The following KCNH5 variants were observed in gnomAD, a reference collection of about 807,000 sequenced individuals.
KCNH5 encodes potassium voltage-gated channel subfamily H member 5, also known as voltage-gated delayed rectifier potassium channel KCNH5.
In KCNH5, 46 loss-of-function variants were observed where a neutral mutation model predicts 96.1. That is an observed-to-expected ratio of 0.48 (90% confidence interval 0.38 to 0.61). The LOEUF is 0.61. Ranked by LOEUF, KCNH5 falls within the 20% of genes least tolerant of loss-of-function variation. The probability of loss-of-function intolerance (pLI) is 0.00; values close to 1 mark genes in which losing one functional copy is unlikely to be tolerated. For missense variants in KCNH5, 907 were observed against 1,225.8 expected (o/e 0.74, Z 3.88); for synonymous variants, 439 against 449.8 (o/e 0.98, Z 0.30).
rs986629623 is a variant in KCNH5 at position 63,045,450 on chromosome 14, G to A, written c.-264C>T. 2.0e-6 allele frequency: 1 copy of A among 500,578 alleles called. No homozygotes were observed. The highest frequency in any genetic ancestry group is 3.6e-6 in the Non-Finnish European group (1 of 276,310). The allele number at this position is 500,578 out of a possible 1,614,324, so 31.0% of individuals were successfully genotyped here. A position where few individuals can be genotyped will look rare whatever the true frequency, so the allele number is the denominator to read the frequency against. ...TGTGGCGGTGCCGCACACGGGGCTCGGGAACTGCAGGCTCCGCGGGGCACA... is the reference window on the plus strand; with the variant it reads ...TGTGGCGGTGCCGCACACGGGGCTCAGGAACTGCAGGCTCCGCGGGGCACA... On this transcript the variant is annotated 5_prime_UTR_variant, in exon 1 of 11. Coordinates refer to ENST00000322893, the MANE Select transcript of KCNH5 (RefSeq NM_139318.5).
intron 7 of KCNH5, among the ~76,000 whole-genome samples, chr14:62,918,231 T>G (rs1454058906): frequency 2.0e-5 from 3 of 152,130 alleles, no homozygotes; most frequent in Non-Finnish European, 4.4e-5. Context: ...AACTGACATA[T>G]AAGTGTTGGT....
At chr14:62,903,724 A>G (rs929222535) in intron 7 of KCNH5, among the ~76,000 whole-genome samples, 1 of 152,210 alleles carries the variant, frequency 6.6e-6, no homozygotes, top group African/African-American at 2.4e-5. Context: ...GCTAGACTGC[A>G]TCATTCATAT....
intron 7 of KCNH5, among the ~76,000 whole-genome samples, chr14:62,887,441 GA>G (rs1384335326): frequency 6.6e-6 from 1 of 152,062 alleles, no homozygotes; most frequent in Non-Finnish European, 1.5e-5. Context: ...AGAAGTATAA[GA>G]AAAAAGTAAG....
chr14:62,819,360 CA>C lies in KCNH5; in HGVS notation c.1570-16780del, dbSNP rs974727423. ...CAGGTCAAGTGAAGGAATCCAGTAA[CA>C]AAAGACCACATATTATATGATTCCA... On this transcript the variant is annotated intron_variant, in intron 8 of 10. Transcript: ENST00000322893. Among the ~76,000 whole-genome samples the C allele has an allele frequency of 2.5e-4, 38 of 152,218 alleles. 1 individual carries two copies. Among genetic ancestry groups the C allele is most frequent in the African/African-American group, 8.9e-4 (37 of 41,530 alleles).
chr14:62,909,762 C>T (rs756427359), intron 7 of KCNH5, among the ~76,000 whole-genome samples: 2 of 152,082 alleles, frequency 1.3e-5, no homozygotes, highest in Non-Finnish European at 2.9e-5. Flanking sequence ...CCCGCAGAGG[C>T]ACAGGCAGGT....
chr14:62,897,445 CAAAG>C (rs1888836201), intron 7 of KCNH5, among the ~76,000 whole-genome samples: 1 of 151,828 alleles, frequency 6.6e-6, no homozygotes, highest in Admixed American at 6.6e-5. Flanking sequence ...AACCAAGTAA[CAAAG>C]AGAAGAATGA....
chr14:62,958,547 A>G (rs1594645714), intron 6 of KCNH5, among the ~76,000 whole-genome samples: 1 of 152,176 alleles, frequency 6.6e-6, no homozygotes, highest in African/African-American at 2.4e-5. Context: ...CAATGGCCCA[A>G]TTACACCAAC....
chr14:62,821,298 T>G (rs905190531), intron 8 of KCNH5, among the ~76,000 whole-genome samples: 1 of 152,154 alleles, frequency 6.6e-6, no homozygotes, highest in Non-Finnish European at 1.5e-5. Context: ...GTATCAATGC[T>G]ATTGATAAGA....
chr14:62,958,752 A>T (rs1017804262), intron 6 of KCNH5, among the ~76,000 whole-genome samples: 1 of 152,070 alleles, frequency 6.6e-6, no homozygotes, highest in Non-Finnish European at 1.5e-5. Flanking sequence ...CTTTCTTCAC[A>T]ACTGTATTAT....
chr14:62,913,276 G>A (rs1440711423), intron 7 of KCNH5, among the ~76,000 whole-genome samples: 1 of 152,052 alleles, frequency 6.6e-6, no homozygotes, highest in Non-Finnish European at 1.5e-5. Flanking sequence ...CTCCCAGGCT[G>A]GAGTGCAGTG....
intron 10 of KCNH5, among the ~76,000 whole-genome samples, chr14:62,728,914 G>T (rs767011188): frequency 6.6e-6 from 1 of 152,154 alleles, no homozygotes; most frequent in Non-Finnish European, 1.5e-5. Context: ...AGAGCATGGG[G>T]CATTTAAAGA....
chr14:62,968,972 T>G (rs893197112), intron 6 of KCNH5, among the ~76,000 whole-genome samples: 4 of 152,214 alleles, frequency 2.6e-5, no homozygotes, highest in Admixed American at 2.0e-4. Flanking sequence ...ATACTCAATA[T>G]AAATATAAAT....
chr14:62,841,761 T>C (rs1887589603), intron 8 of KCNH5, among the ~76,000 whole-genome samples: 1 of 152,272 alleles, frequency 6.6e-6, no homozygotes, highest in Non-Finnish European at 1.5e-5. Context: ...GCAAGCACCA[T>C]GTGGGCATTT....
chr14:62,875,397 C>G (rs1888350639), intron 7 of KCNH5, among the ~76,000 whole-genome samples: 1 of 152,060 alleles, frequency 6.6e-6, no homozygotes, highest in Non-Finnish European at 1.5e-5. Context: ...AATCCTAAGC[C>G]AAAAGAACAA....
chr14:62,995,816 C>T lies in KCNH5; in HGVS notation c.433+5515G>A, dbSNP rs1437288250. ...CTTCCACTATATATTTACTAGTTTG[C>T]CTCCCCCACTAGAATGTGACAGAAG... is the stretch of plus-strand genomic sequence containing the variant. On this transcript the variant is annotated intron_variant, in intron 4 of 10. Coordinates refer to ENST00000322893, the MANE Select transcript of KCNH5 (RefSeq NM_139318.5). Among the ~76,000 whole-genome samples, 4 of 152,076 alleles carry T rather than the reference C, an allele frequency of 2.6e-5. No individual in the cohort carries two copies. The South Asian group carries it at 8.3e-4, about 32-fold the overall frequency.
intron 7 of KCNH5, among the ~76,000 whole-genome samples, chr14:62,937,346 G>A (rs1325560466): frequency 1.3e-5 from 2 of 152,074 alleles, no homozygotes; most frequent in Non-Finnish European, 2.9e-5. Context: ...TTTCCACACA[G>A]CAGCTGGATT....
intron 2 of KCNH5, among the ~76,000 whole-genome samples, chr14:63,012,762 A>C (rs1336994350): frequency 1.1e-4 from 17 of 152,006 alleles, no homozygotes; most frequent in Non-Finnish European, 1.8e-4. Context: ...TGACACAAAG[A>C]AGTCTAAAAA....
chr14:62,707,588 G>T lies in KCNH5; in HGVS notation c.2887C>A (p.Pro963Thr). 1 of 1,532,192 alleles carries T rather than the reference G, an allele frequency of 6.5e-7. No individual in the cohort carries two copies. Among genetic ancestry groups the T allele is most frequent in the Non-Finnish European group, 8.8e-7 (1 of 1,138,036 alleles). The allele number at this position is 1,532,192 out of a possible 1,614,324, so 94.9% of individuals were successfully genotyped here. The change falls in exon 11 of 11, where the codon CCC becomes ACC. Residue 963 changes from proline to threonine, a missense_variant. Transcript: ENST00000322893. The part of the protein sequence containing the change: ...PKSQMPLQVP[P>T]QIPCQDIFSV... ...AAAATATCCTGACATGGTATCTGGG[G>T]GGGTACTTGGAGTGGCATTTGGGAT...
At chr14:62,997,567 C>T (rs552368897) in intron 4 of KCNH5, among the ~76,000 whole-genome samples, 1 of 152,046 alleles carries the variant, frequency 6.6e-6, no homozygotes, top group East Asian at 1.9e-4. Context: ...GGGATAAACC[C>T]CACTTGGTTG....
Sources: gnomAD v4.1 joint callset for allele counts (sites outside exome capture counted in the v4.1 genomes callset) on GRCh38, gnomAD v4.1.1 for gene constraint, MANE v1.5 for transcripts, NCBI Gene and HGNC (gene_info 2026-07-23, HGNC 2026-07-21) for gene names.